Variants in KIF20B observed in about 807,000 individuals in gnomAD.
The protein encoded by KIF20B is kinesin family member 20B.
A neutral mutation model predicts 232.5 loss-of-function variants in KIF20B; 188 were observed. The observed-to-expected ratio is 0.81, with a 90% CI of 0.72 to 0.91. The LOEUF is 0.91. KIF20B is among the 40% of genes least tolerant of loss of function. KIF20B has a pLI of 0.00. For synonymous variants in KIF20B, 712 were observed against 683.0 expected, an observed-to-expected ratio of 1.04 and a Z score of -0.66; for missense variants, 2,154 against 2,055.9, an observed-to-expected ratio of 1.05 and a Z score of -0.92.
At chr10:89,732,530 A>C (rs1843347579) in intron 18 of KIF20B, among the ~76,000 whole-genome samples, 1 of 152,072 alleles carries the variant, frequency 6.6e-6, no homozygotes, top group South Asian at 2.1e-4. Context: ...ATATCTTTGA[A>C]TATATATCGA....
In KIF20B at chr10:89,738,145, C is replaced by G. The variant is rs78400882; in HGVS notation, c.3304C>G (p.Leu1102Val). ...AGGCTATAAGGATGAAAACAATAGA[C>G]TAAAGGAGAAGGAGCATAAAAACCA... ...VKGYKDENNRLKEKEHKNQDD... is the reference protein window; with the variant it reads ...VKGYKDENNRVKEKEHKNQDD... The change falls in exon 20 of 33, where the codon CTA (leucine) becomes GTA (valine). Residue 1102 changes from leucine to valine, a missense_variant. Leu to Val is a conservative substitution (Grantham distance 32). Transcript: ENST00000371728. 2 of 1,608,584 alleles carry G rather than the reference C, an allele frequency of 1.2e-6. No individual in the cohort carries two copies. Among genetic ancestry groups the G allele is most frequent in the Admixed American group, 1.7e-5 (1 of 59,808 alleles).
Position 89,738,790 on chromosome 10 carries a change from A to T in KIF20B, c.3777-168A>T, listed in dbSNP as rs1190359765. On this transcript the variant is annotated intron_variant, in intron 20 of 32. Transcript: ENST00000371728. ...TTTGGACCATAGGTTATGTGAAAAG[A>T]TCAGCTTATAAAAATCATATGAAAT... Among the ~76,000 whole-genome samples the T allele has an allele frequency of 2.0e-5, 3 of 152,174 alleles. No individual in the cohort carries two copies. In the East Asian group the frequency reaches 5.8e-4, roughly 29 times the overall value.
In KIF20B at chr10:89,774,024, ACTTCG is replaced by A; in HGVS notation, c.5440_5444del (p.Leu1814AsnfsTer15). ...GTGATCACCAGATTATCAAACGACG[ACTTCG>A]AACAAAAACAGCCAAATAAATCACT... is the stretch of plus-strand genomic sequence containing the variant. On this transcript the variant is annotated frameshift_variant, in exon 33 of 33. Coordinates refer to ENST00000371728, the MANE Select transcript of KIF20B (RefSeq NM_001284259.2). LOFTEE classifies it high-confidence loss of function. 1 of 1,592,096 alleles carries A rather than the reference ACTTCG, an allele frequency of 6.3e-7. No individual in the cohort carries two copies. The highest frequency in any genetic ancestry group is 8.6e-7 in the Non-Finnish European group (1 of 1,167,726).
intron 2 of KIF20B, 52 bp downstream of exon 2, chr10:89,705,493 G>GT: frequency 6.5e-7 from 1 of 1,546,604 alleles, no homozygotes; most frequent in Non-Finnish European, 8.8e-7. Flanking sequence ...TCTAATGCAA[G>GT]GGTTGGCAAA....
intron 17 of KIF20B, 102 bp downstream of exon 17, chr10:89,727,998 A>G: frequency 9.4e-7 from 1 of 1,068,036 alleles, no homozygotes; most frequent in Admixed American, 3.5e-5. Context: ...TTAAACAGTA[A>G]TATAGTCTCT....
intron 19 of KIF20B, among the ~76,000 whole-genome samples, chr10:89,734,681 A>G (rs1471993446): frequency 6.6e-6 from 1 of 152,182 alleles, no homozygotes; most frequent in Non-Finnish European, 1.5e-5. Flanking sequence ...GAACAGATTC[A>G]TTACATGTGC....
At chr10:89,770,250 C>T (rs1187941824) in intron 31 of KIF20B, among the ~76,000 whole-genome samples, 1 of 152,032 alleles carries the variant, frequency 6.6e-6, no homozygotes, top group Non-Finnish European at 1.5e-5. Context: ...TGAGGTGCTT[C>T]TGTAAGTTTG....
Position 89,737,906 on chromosome 10 carries a change from C to G in KIF20B, c.3065C>G (p.Pro1022Arg). 1 of 1,613,254 alleles carries G rather than the reference C, an allele frequency of 6.2e-7. No individual in the cohort carries two copies. The highest frequency in any genetic ancestry group is 8.5e-7 in the Non-Finnish European group (1 of 1,179,540). The stretch of plus-strand genomic sequence containing the variant: ...AATGGTTCTGAGGAGGATAATTTGC[C>G]AAATACACAGTTAGACCTTTTAGGT... ...LSNGSEEDNL[P>R]NTQLDLLGND... is the part of the protein sequence containing the mutation. Residue 1022 changes from proline (P) to arginine (R), a missense_variant, in exon 20 of 33, where the codon CCA (proline) becomes CGA (arginine). Pro to Arg is a moderately radical substitution (Grantham distance 103). Transcript: ENST00000371728.
chr10:89,724,223 A>C (rs937308654), intron 14 of KIF20B, 120 bp downstream of exon 14: 138 of 1,003,074 alleles, frequency 1.4e-4, no homozygotes, highest in Admixed American at 3.3e-4. Context: ...CTCTTTATAC[A>C]AGCTTGAAAA....
chr10:89,760,612 TGAA>T lies in KIF20B; in HGVS notation c.4768_4770del (p.Glu1590del). On this transcript the variant is annotated inframe_deletion, in exon 28 of 33. Coordinates refer to ENST00000371728, the MANE Select transcript of KIF20B (RefSeq NM_001284259.2). ...AAACTGAACCTCTATCGACAAGTTT[TGAA>T]ATTTCCAGAAATAAAATAGAGGTGG... is the stretch of plus-strand genomic sequence containing the variant. The T allele has an allele frequency of 6.2e-7, 1 of 1,608,082 alleles. No individual in the cohort carries two copies. The highest frequency in any genetic ancestry group is 8.5e-7 in the Non-Finnish European group (1 of 1,174,862).
At position 89,745,880 on chromosome 10, in the gene KIF20B, A is replaced by T. The variant is rs377358061; in HGVS notation, c.4036-19A>T. 1.1e-5 allele frequency: 17 copies of T among 1,511,372 alleles called. No homozygotes were observed. The African/African-American group carries it at 2.2e-4, about 20-fold the overall frequency. 93.6% of individuals were successfully genotyped at this position (1,511,372 alleles called of 1,614,324 possible). A position where few individuals can be genotyped will look rare whatever the true frequency, so the allele number is the denominator to read the frequency against. On this transcript the variant is annotated intron_variant, in intron 22 of 32. Transcript: ENST00000371728. ...TTTTAAGTTAATTTGCAATTAATTT[A>T]TATTCTTTCAATTTGTAGGAGCAGT... is the stretch of plus-strand genomic sequence containing the variant.
chr10:89,767,027 C>T (rs1263154754), intron 29 of KIF20B, among the ~76,000 whole-genome samples: 1 of 151,592 alleles, frequency 6.6e-6, no homozygotes, highest in African/African-American at 2.4e-5. Flanking sequence ...ATGTATATTT[C>T]AGAAAAGATT....
intron 18 of KIF20B, among the ~76,000 whole-genome samples, chr10:89,731,324 A>G (rs1843313537): frequency 6.6e-6 from 1 of 152,104 alleles, no homozygotes; most frequent in African/African-American, 2.4e-5. Flanking sequence ...AAAAATCAAT[A>G]TTTGTAAATT....
chr10:89,717,525 T>C, intron 10 of KIF20B, 30 bp downstream of exon 10: 1 of 1,582,406 alleles, frequency 6.3e-7, no homozygotes, highest in Non-Finnish European at 8.6e-7. Context: ...AATTTAATTA[T>C]TTGTAATTGT....
rs987861287 is a variant in KIF20B at position 89,708,750 on chromosome 10, T to G, written c.148-417T>G. ...AAATTACATTTTCTATGCACATTTC[T>G]TCCTCAGAAAAAGTAACAAGGAGAA... On this transcript the variant is annotated intron_variant, in intron 2 of 32. Coordinates refer to ENST00000371728, the MANE Select transcript of KIF20B (RefSeq NM_001284259.2). 4.0e-4 allele frequency among the ~76,000 whole-genome samples: 61 copies of G among 152,232 alleles called. 1 individual carries two copies. The highest frequency in any genetic ancestry group is 5.2e-4 in the Admixed American group (8 of 15,282).
intron 31 of KIF20B, among the ~76,000 whole-genome samples, chr10:89,769,743 A>G (rs377416607): frequency 1.3e-5 from 2 of 151,952 alleles, no homozygotes; most frequent in Non-Finnish European, 2.9e-5. Context: ...AGAAAAATGT[A>G]GGAAATGTTC....
chr10:89,718,510 CA>C (rs1354423868), intron 11 of KIF20B, among the ~76,000 whole-genome samples, 199 bp from the exon 12 acceptor site: 5 of 151,930 alleles, frequency 3.3e-5, no homozygotes, highest in African/African-American at 1.2e-4. Flanking sequence ...GACCCTGTCT[CA>C]AAACAGAAAC....
At chr10:89,723,089 T>C (rs914833107) in intron 13 of KIF20B, among the ~76,000 whole-genome samples, 4 of 152,176 alleles carry the variant, frequency 2.6e-5, no homozygotes, top group Admixed American at 2.0e-4. Context: ...TCAGCATTCA[T>C]ACAACCAGAA....
Position 89,717,634 on chromosome 10 carries a change from G to A in KIF20B, c.1183G>A (p.Glu395Lys). ...ERTMKTQNEGERLRETGNINT... is the reference protein window; with the variant it reads ...ERTMKTQNEGKRLRETGNINT... ...AACTATGAAGACACAGAATGAAGGT[G>A]AAAGGTTAAGAGAGACTGGGAATAT... Residue 395 changes from glutamate to lysine, a missense_variant, in exon 11 of 33, where the codon GAA (glutamate) becomes AAA (lysine). By Grantham distance (56) the Glu-to-Lys change is moderately conservative (BLOSUM62 1). Transcript: ENST00000371728. The A allele has an allele frequency of 1.2e-6, 2 of 1,611,210 alleles. No individual in the cohort carries two copies. The highest frequency in any genetic ancestry group is 1.7e-6 in the Non-Finnish European group (2 of 1,177,914).
Sources: gnomAD v4.1 joint callset for allele counts (sites outside exome capture counted in the v4.1 genomes callset) on GRCh38, gnomAD v4.1.1 for gene constraint, MANE v1.5 for transcripts, NCBI Gene and HGNC (gene_info 2026-07-23, HGNC 2026-07-21) for gene names.